The following UBE2R2 variants were observed in gnomAD, a reference collection of about 807,000 sequenced individuals.
The protein encoded by UBE2R2 is ubiquitin conjugating enzyme E2 R2.
A neutral mutation model predicts 27.8 loss-of-function variants in UBE2R2; 1 was observed. That is an observed-to-expected ratio of 0.04 (90% CI 0.01 to 0.17). UBE2R2 has a LOEUF of 0.17. Among genes scored for constraint, UBE2R2 ranks in the 10% least tolerant of loss-of-function variants. The pLI is 1.00. For synonymous variants in UBE2R2, 106 were observed against 113.3 expected (o/e 0.94, Z 0.41); for missense variants, 100 against 291.0 (o/e 0.34, Z 4.78).
chr9:33,879,738 C>G (rs1448477868), intron 1 of UBE2R2, among the ~76,000 whole-genome samples: 1 of 145,044 alleles, frequency 6.9e-6, no homozygotes, highest in Non-Finnish European at 1.5e-5. Flanking sequence ...GCCACGGCGC[C>G]TGGTCACAAG....
At chr9:33,856,427 C>T (rs1341523936) in intron 1 of UBE2R2, among the ~76,000 whole-genome samples, 1 of 151,992 alleles carries the variant, frequency 6.6e-6, no homozygotes, top group Non-Finnish European at 1.5e-5. Context: ...CATTACTTAC[C>T]ACTAGATTTC....
chr9:33,899,931 C>G (rs1245374884), intron 2 of UBE2R2, among the ~76,000 whole-genome samples: 1 of 152,046 alleles, frequency 6.6e-6, no homozygotes, highest in Non-Finnish European at 1.5e-5. Context: ...TTTGTTTCAT[C>G]AGGATTGTTC....
In UBE2R2 at chr9:33,866,753, A is replaced by T. The variant is rs185682076; in HGVS notation, c.178-20128A>T. ...GATAATCCCTATCCTAATTTCTAAC[A>T]GTATGAATTAATTTTGCTTATTCTT... is the stretch of plus-strand genomic sequence containing the variant. On this transcript the variant is annotated intron_variant, in intron 1 of 4. Transcript: ENST00000263228. Among the ~76,000 whole-genome samples, 18 of 152,254 alleles carry T rather than the reference A, an allele frequency of 1.2e-4. No homozygotes were observed. The East Asian group carries it at 3.3e-3, about 28-fold the overall frequency.
intron 1 of UBE2R2, among the ~76,000 whole-genome samples, chr9:33,829,145 G>C (rs1320399790): frequency 6.6e-6 from 1 of 152,120 alleles, no homozygotes; most frequent in Admixed American, 6.6e-5. Context: ...TGGGATTATA[G>C]TTGTGAGCCA....
chr9:33,910,206 G>A (rs1255009593), intron 3 of UBE2R2, among the ~76,000 whole-genome samples: 2 of 152,210 alleles, frequency 1.3e-5, no homozygotes, highest in East Asian at 3.9e-4. Flanking sequence ...GTACAGTGGC[G>A]TGATCTCAGC....
intron 2 of UBE2R2, among the ~76,000 whole-genome samples, chr9:33,899,274 A>C (rs1822192339): frequency 6.6e-6 from 1 of 151,908 alleles, no homozygotes; most frequent in Non-Finnish European, 1.5e-5. Flanking sequence ...ATCTTGGCTC[A>C]CTGCAACCTC....
chr9:33,871,898 G>C (rs1821492825), intron 1 of UBE2R2, among the ~76,000 whole-genome samples: 1 of 151,940 alleles, frequency 6.6e-6, no homozygotes, highest in African/African-American at 2.4e-5. Flanking sequence ...TTTTTTAGTA[G>C]AGACGTGTTT....
intron 1 of UBE2R2, among the ~76,000 whole-genome samples, chr9:33,836,179 G>A (rs752049742): frequency 6.6e-6 from 1 of 152,008 alleles, no homozygotes; most frequent in Non-Finnish European, 1.5e-5. Context: ...GGTGGGAGGC[G>A]CCTATAATCC....
At chr9:33,843,002 A>G (rs751103022) in intron 1 of UBE2R2, among the ~76,000 whole-genome samples, 1 of 131,344 alleles carries the variant, frequency 7.6e-6, no homozygotes, top group Admixed American at 8.5e-5. Flanking sequence ...CCTGAGTGAC[A>G]GTTGTGAGAC....
intron 2 of UBE2R2, 74 bp downstream of exon 2, chr9:33,887,041 A>C: frequency 1.6e-6 from 2 of 1,228,580 alleles, no homozygotes; most frequent in Non-Finnish European, 2.3e-6. Flanking sequence ...AGCCTATCTC[A>C]GCACACTTTG....
chr9:33,871,183 A>G (rs1244810328), intron 1 of UBE2R2, among the ~76,000 whole-genome samples: 1 of 152,224 alleles, frequency 6.6e-6, no homozygotes, highest in African/African-American at 2.4e-5. Context: ...CTTAATTTGT[A>G]ATCATTTATT....
At chr9:33,889,651 T>C (rs1371812951) in intron 2 of UBE2R2, among the ~76,000 whole-genome samples, 5 of 152,166 alleles carry the variant, frequency 3.3e-5, no homozygotes, top group Admixed American at 2.6e-4. Flanking sequence ...AAGAGAGAAG[T>C]GAGAAGGAGC....
Position 33,918,128 on chromosome 9 carries a change from G to C in UBE2R2, c.*891G>C, listed in dbSNP as rs1230630787. 6.5e-6 allele frequency: 1 copy of C among 153,068 alleles called. No individual in the cohort carries two copies. The highest frequency in any genetic ancestry group is 1.9e-4 in the East Asian group (1 of 5,196). The allele number at this position is 153,068 out of a possible 1,614,324, so 9.5% of individuals were successfully genotyped here. A position where few individuals can be genotyped will look rare whatever the true frequency, so the allele number is the denominator to read the frequency against. ...ATGCTAAGTTTGGTTGATGCTACTG[G>C]GGGGAAAAAGTTGAAACTACTGGTG... On this transcript the variant is annotated 3_prime_UTR_variant, in exon 5 of 5. Coordinates refer to ENST00000263228, the MANE Select transcript of UBE2R2 (RefSeq NM_017811.4).
chr9:33,899,920 G>A (rs1211015892), intron 2 of UBE2R2, among the ~76,000 whole-genome samples: 3 of 151,906 alleles, frequency 2.0e-5, no homozygotes, highest in Admixed American at 2.0e-4. Context: ...CATAGGGATC[G>A]TTTGTTTCAT....
intron 1 of UBE2R2, among the ~76,000 whole-genome samples, chr9:33,857,004 C>G (rs1821122020): frequency 6.9e-6 from 1 of 144,486 alleles, no homozygotes; most frequent in African/African-American, 2.6e-5. Context: ...TCAAGTGATT[C>G]TCCTGCCTTA....
intron 2 of UBE2R2, among the ~76,000 whole-genome samples, chr9:33,887,207 T>C (rs2130796561): frequency 6.6e-6 from 1 of 152,364 alleles, no homozygotes; most frequent in East Asian, 1.9e-4. Context: ...CTTTAGACTT[T>C]TGCTGTTCAT....
intron 3 of UBE2R2, among the ~76,000 whole-genome samples, chr9:33,906,254 T>G (rs1359134739): frequency 2.0e-5 from 3 of 152,070 alleles, no homozygotes; most frequent in African/African-American, 7.2e-5. Flanking sequence ...TCCCAAGTAC[T>G]TGGGATTACA....
intron 1 of UBE2R2, among the ~76,000 whole-genome samples, chr9:33,840,857 A>G (rs1295882106): frequency 1.3e-5 from 2 of 152,118 alleles, no homozygotes; most frequent in Admixed American, 1.3e-4. Context: ...GCCTTTATTT[A>G]TTCTTTTTTC....
At chr9:33,831,270 C>A (rs1386398216) in intron 1 of UBE2R2, among the ~76,000 whole-genome samples, 1 of 151,828 alleles carries the variant, frequency 6.6e-6, no homozygotes, top group Non-Finnish European at 1.5e-5. Context: ...GTGAGACCCC[C>A]ATCTCTACAA....
Sources: allele counts gnomAD v4.1 joint callset (sites outside exome capture counted in the v4.1 genomes callset), GRCh38; gene constraint gnomAD v4.1.1; transcripts MANE v1.5; gene names NCBI Gene and HGNC (gene_info 2026-07-23, HGNC 2026-07-21).